Variants in MBTD1 observed in about 807,000 individuals in gnomAD.
MBTD1 encodes the protein MBT domain-containing protein 1.
In MBTD1, 24 loss-of-function variants were observed where a neutral mutation model predicts 87.8. That is an observed-to-expected ratio of 0.27 (90% CI 0.20 to 0.38). MBTD1 has a LOEUF of 0.38. Among genes scored for constraint, MBTD1 ranks in the 10% least tolerant of loss-of-function variants. MBTD1 has a pLI of 1.00. For missense variants in MBTD1, 436 were observed against 760.2 expected (o/e 0.57, Z 5.02); for synonymous variants, 237 against 248.6 (o/e 0.95, Z 0.44).
Position 51,231,171 on chromosome 17 carries a change from T to C in MBTD1, c.-48-5962A>G, listed in dbSNP as rs1055501716. 2.6e-5 allele frequency among the ~76,000 whole-genome samples: 4 copies of C among 152,104 alleles called. No individual in the cohort carries two copies. The East Asian group carries it at 7.7e-4, about 29-fold the overall frequency. Reference sequence around the variant, plus strand: ...CAGGCTGGTCTCAAACTCCTGACCTTGTGATCTGCCCGCCTTGGCCTCCCA... The same window carrying C: ...CAGGCTGGTCTCAAACTCCTGACCTCGTGATCTGCCCGCCTTGGCCTCCCA... On this transcript the variant is annotated intron_variant, in intron 2 of 16. Transcript: ENST00000586178.
At chr17:51,233,550 G>A (rs2053660144) in intron 2 of MBTD1, among the ~76,000 whole-genome samples, 1 of 151,724 alleles carries the variant, frequency 6.6e-6, no homozygotes, top group Admixed American at 6.6e-5. Context: ...GTATACATGA[G>A]ACAAAAAGCT....
intron 2 of MBTD1, among the ~76,000 whole-genome samples, chr17:51,244,857 A>C (rs2054341546): frequency 6.6e-6 from 1 of 152,152 alleles, no homozygotes; most frequent in African/African-American, 2.4e-5. Flanking sequence ...TTATTAGCAA[A>C]GAACTGGTAT....
intron 3 of MBTD1, among the ~76,000 whole-genome samples, chr17:51,222,736 C>T (rs980779730): frequency 3.3e-5 from 5 of 152,038 alleles, no homozygotes; most frequent in Non-Finnish European, 7.4e-5. Context: ...TGACCAAACC[C>T]AGTGAATCCT....
In MBTD1 at chr17:51,192,761, CT is replaced by C. The variant is rs2050875852; in HGVS notation, c.1690+20del. The C allele has an allele frequency of 3.1e-6, 5 of 1,611,914 alleles. No homozygotes were observed. In the East Asian group the frequency reaches 1.1e-4, roughly 36 times the overall value. Reference sequence around the variant, plus strand: ...ATTGCTGATTTTTACAAAAGGACACCTTTTCTGTATACCAACTTACACTGTG... The same window carrying C: ...ATTGCTGATTTTTACAAAAGGACACCTTTCTGTATACCAACTTACACTGTG... On this transcript the variant is annotated intron_variant, in intron 15 of 16. Coordinates refer to ENST00000586178, the MANE Select transcript of MBTD1 (RefSeq NM_017643.3).
intron 2 of MBTD1, among the ~76,000 whole-genome samples, chr17:51,245,738 C>T (rs933033059): frequency 6.6e-6 from 1 of 151,988 alleles, no homozygotes; most frequent in Non-Finnish European, 1.5e-5. Context: ...CAATGTCTTG[C>T]TTTCTGAATC....
At chr17:51,217,151 G>A (rs147094552) in intron 6 of MBTD1, among the ~76,000 whole-genome samples, 183 bp downstream of exon 6, 54 of 152,230 alleles carry the variant, frequency 3.5e-4, no homozygotes, top group Non-Finnish European at 6.8e-4. Flanking sequence ...TAGGAAACTT[G>A]TACTTACAAA....
Position 51,203,812 on chromosome 17 carries a change from T to C in MBTD1, c.718A>G (p.Lys240Glu). The C allele has an allele frequency of 6.2e-7, 1 of 1,612,738 alleles. No individual in the cohort carries two copies. Among genetic ancestry groups the C allele is most frequent in the Non-Finnish European group, 8.5e-7 (1 of 1,179,698 alleles). The part of the protein sequence containing the change: ...HPVGWCAASG[K>E]PLVPPRTIQH... ...TTACTTCTAGGAGGAACAAGAGGTTTTCCGCTGGCTGCACACCAACCAACT... is the reference window on the plus strand; with the variant it reads ...TTACTTCTAGGAGGAACAAGAGGTTCTCCGCTGGCTGCACACCAACCAACT... The change falls in exon 8 of 17, where the codon AAA becomes GAA. Residue 240 changes from lysine to glutamate, a missense_variant. By Grantham distance (56) the Lys-to-Glu change is moderately conservative. This residue lies in a region of MBTD1 where 268 missense variants were observed against 401.8 expected (regional missense o/e 0.67). Transcript: ENST00000586178.
intron 2 of MBTD1, chr17:51,249,489 A>C (rs373335825): frequency 6.6e-6 from 1 of 152,120 alleles, no homozygotes; most frequent in South Asian, 2.1e-4. Context: ...CATGGTTTTT[A>C]GCATTATAAA....
At position 51,179,487 on chromosome 17, in the gene MBTD1, TATATA is replaced by T. The variant is rs2050206385; in HGVS notation, c.*1084_*1088del. ...CTGAATACAATTAAAGACAATTTTA[TATATA>T]TATATATATATATATATATATATAT... On this transcript the variant is annotated 3_prime_UTR_variant, in exon 17 of 17. Coordinates refer to ENST00000586178, the MANE Select transcript of MBTD1 (RefSeq NM_017643.3). 3 of 15,570 alleles carry T rather than the reference TATATA, an allele frequency of 1.9e-4. No individual in the cohort carries two copies. Among genetic ancestry groups the T allele is most frequent in the South Asian group, 2.8e-3 (1 of 352 alleles). 1.0% of individuals were successfully genotyped at this position (15,570 alleles called of 1,614,324 possible).
chr17:51,200,406 A>T (rs1219935408), intron 12 of MBTD1, among the ~76,000 whole-genome samples: 4 of 151,956 alleles, frequency 2.6e-5, no homozygotes, highest in Middle Eastern at 6.8e-3. Flanking sequence ...AGAAAACAAC[A>T]ACAACAAAAA....
At chr17:51,229,622 T>G (rs2053438358) in intron 2 of MBTD1, among the ~76,000 whole-genome samples, 1 of 152,008 alleles carries the variant, frequency 6.6e-6, no homozygotes, top group African/African-American at 2.4e-5. Context: ...ATATACACGT[T>G]CTAATAATGT....
At chr17:51,190,582 C>A (rs1243014074) in intron 16 of MBTD1, among the ~76,000 whole-genome samples, 1 of 150,076 alleles carries the variant, frequency 6.7e-6, no homozygotes, top group East Asian at 2.0e-4. Flanking sequence ...ACGAGTTGGG[C>A]ATGGTGGTAT....
chr17:51,212,267 A>G (rs764653566), intron 6 of MBTD1, among the ~76,000 whole-genome samples: 6 of 151,974 alleles, frequency 3.9e-5, no homozygotes, highest in Non-Finnish European at 7.4e-5. Flanking sequence ...CTGAGGCAAG[A>G]GAATTGATTG....
chr17:51,177,485 G>A lies in MBTD1; in HGVS notation c.*3091C>T, dbSNP rs927970556. On this transcript the variant is annotated 3_prime_UTR_variant, in exon 17 of 17. Transcript: ENST00000586178. ...AAATTTAGTGAATTATTTTCATCTT[G>A]TACACAAAGTTATAATTTTAATGCT... 2 of 152,118 alleles carry A rather than the reference G, an allele frequency of 1.3e-5. No individual in the cohort carries two copies. The highest frequency in any genetic ancestry group is 4.8e-5 in the African/African-American group (2 of 41,438). 9.4% of individuals were successfully genotyped at this position (152,118 alleles called of 1,614,324 possible).
intron 2 of MBTD1, among the ~76,000 whole-genome samples, chr17:51,238,519 G>A (rs930646220): frequency 6.6e-6 from 1 of 152,174 alleles, no homozygotes; most frequent in Non-Finnish European, 1.5e-5. Flanking sequence ...GCTGTATAGC[G>A]GGTTTAGAGA....
At chr17:51,184,314 A>C (rs1568142746) in intron 16 of MBTD1, 1 of 152,212 alleles carries the variant, frequency 6.6e-6, no homozygotes, top group Non-Finnish European at 1.5e-5. Context: ...TTCTTTTCTC[A>C]GCTCTGTTTT....
At chr17:51,207,050 C>G (rs2051885070) in intron 6 of MBTD1, 45 bp from the exon 7 acceptor site, 1 of 1,037,650 alleles carries the variant, frequency 9.6e-7, no homozygotes, top group African/African-American at 1.6e-5. Context: ...TAACATAAAG[C>G]CTAAAACATA....
intron 16 of MBTD1, chr17:51,185,777 C>T (rs1388010051): frequency 2.0e-5 from 3 of 152,132 alleles, no homozygotes; most frequent in Admixed American, 6.5e-5. Context: ...AATTCCAGAA[C>T]TTGACATTAT....
Position 51,177,892 on chromosome 17 carries a change from T to C in MBTD1, c.*2684A>G, listed in dbSNP as rs2050159805. The C allele has an allele frequency of 1.3e-5, 2 of 152,130 alleles. No homozygotes were observed. The highest frequency in any genetic ancestry group is 2.9e-5 in the Non-Finnish European group (2 of 68,034). 9.4% of individuals were successfully genotyped at this position (152,130 alleles called of 1,614,324 possible). On this transcript the variant is annotated 3_prime_UTR_variant, in exon 17 of 17. Coordinates refer to ENST00000586178, the MANE Select transcript of MBTD1 (RefSeq NM_017643.3). ...CAATATTAAAGGATCATTACCAATA[T>C]ATAGCACCATAATACAAATATTGAT...
Sources: allele counts gnomAD v4.1 joint callset (sites outside exome capture counted in the v4.1 genomes callset), GRCh38; gene constraint gnomAD v4.1.1; regional missense constraint gnomAD v4.1.1; transcripts MANE v1.5; gene names NCBI Gene and HGNC (gene_info 2026-07-23, HGNC 2026-07-21).